Variants in YEATS2 observed in about 807,000 individuals in gnomAD.
The protein encoded by YEATS2 is YEATS domain containing 2, also known as YEATS domain-containing protein 2.
YEATS2 carries 77 observed loss-of-function variants against 163.2 expected under a neutral mutation model. That is an observed-to-expected ratio of 0.47 (90% CI 0.39 to 0.57). The LOEUF (loss-of-function observed/expected upper bound fraction) is 0.57, where lower values mean the gene tolerates loss of function less well. Among genes scored for constraint, YEATS2 ranks in the 20% least tolerant of loss-of-function variants. The pLI is 0.00. For missense variants in YEATS2, 1,549 were observed against 1,729.8 expected (o/e 0.90, Z 1.85); for synonymous variants, 631 against 645.1 (o/e 0.98, Z 0.33).
At chr3:183,738,391 CT>C (rs1173865612) in intron 8 of YEATS2, among the ~76,000 whole-genome samples, 6,978 of 74,040 alleles carry the variant, frequency 0.094, 208 homozygotes, top group African/African-American at 0.11. Flanking sequence ...AGGAAAAGTT[CT>C]TTTTTTTTTT....
rs2304752 is a variant in YEATS2, at chr3:183,798,058, C to T, written c.3226+7C>T. The T allele has an allele frequency of 7.4e-6, 12 of 1,613,354 alleles. No individual in the cohort carries two copies. The highest frequency in any genetic ancestry group is 1.0e-5 in the Non-Finnish European group (12 of 1,179,784). On this transcript the variant is annotated splice_region_variant and intron_variant, in intron 22 of 30. Transcript: ENST00000305135. ...CTGATGCCTGTGAATAAAGGTGAGT[C>T]CCTTGCCCACGGGTCGTCTGTGCTG...
chr3:183,765,431 A>G (rs1236105589), intron 15 of YEATS2, among the ~76,000 whole-genome samples: 1 of 152,168 alleles, frequency 6.6e-6, no homozygotes, highest in East Asian at 1.9e-4. Flanking sequence ...GTAAGGTTGG[A>G]GGAGATAGGT....
chr3:183,763,722 C>T (rs551345247), intron 15 of YEATS2, among the ~76,000 whole-genome samples: 1 of 152,228 alleles, frequency 6.6e-6, no homozygotes, highest in Admixed American at 6.5e-5. Flanking sequence ...TTCAGAGCAT[C>T]AGGGTTAAAT....
At chr3:183,722,839 A>C (rs1716670275) in intron 5 of YEATS2, among the ~76,000 whole-genome samples, 1 of 151,828 alleles carries the variant, frequency 6.6e-6, no homozygotes, top group Non-Finnish European at 1.5e-5. Context: ...TTTTTAGTAG[A>C]GACGAGGTTT....
At chr3:183,764,946 C>T (rs185645971) in intron 15 of YEATS2, among the ~76,000 whole-genome samples, 4 of 152,182 alleles carry the variant, frequency 2.6e-5, no homozygotes, top group South Asian at 2.1e-4. Context: ...CTTACTGCAT[C>T]GGATTCTTCT....
chr3:183,727,064 G>A (rs759103060), intron 6 of YEATS2, among the ~76,000 whole-genome samples: 79 of 152,138 alleles, frequency 5.2e-4, no homozygotes, highest in Admixed American at 5.2e-4. Flanking sequence ...GCCTCCAAAA[G>A]TGCTGAGATT....
intron 21 of YEATS2, among the ~76,000 whole-genome samples, chr3:183,797,694 C>T (rs532588378): frequency 5.3e-5 from 8 of 152,034 alleles, no homozygotes; most frequent in Non-Finnish European, 5.9e-5. Flanking sequence ...TCAGCCTGGG[C>T]GACAGAGCGA....
intron 26 of YEATS2, 95 bp from the exon 27 acceptor site, chr3:183,803,892 G>A: frequency 7.4e-7 from 1 of 1,347,672 alleles, no homozygotes; most frequent in South Asian, 1.4e-5. Context: ...ATTCTAACAG[G>A]TTAGGTTAGG....
At chr3:183,711,271 C>T (rs560790533) in intron 1 of YEATS2, among the ~76,000 whole-genome samples, 49 of 151,928 alleles carry the variant, frequency 3.2e-4, no homozygotes, top group Middle Eastern at 3.4e-3. Flanking sequence ...GAGATTGAGA[C>T]CATCCTGGCT....
Position 183,725,239 on chromosome 3 carries a change from G to A in YEATS2, c.650+708G>A, listed in dbSNP as rs545298334. Among the ~76,000 whole-genome samples, 4 of 152,156 alleles carry A rather than the reference G, an allele frequency of 2.6e-5. No individual in the cohort carries two copies. The South Asian group carries it at 6.2e-4, about 24-fold the overall frequency. On this transcript the variant is annotated intron_variant, in intron 6 of 30. Coordinates refer to ENST00000305135, the MANE Select transcript of YEATS2 (RefSeq NM_018023.5). ...TTTGTTCCAAAATATTGCTAGAGAA[G>A]AGGCAGTATAATAACCCCTACCCTT...
Position 183,728,697 on chromosome 3 carries a change from C to A in YEATS2, c.658C>A (p.Pro220Thr), listed in dbSNP as rs750347001. Residue 220 changes from proline to threonine, a missense_variant, in exon 7 of 31, where the codon CCT becomes ACT. Coordinates refer to ENST00000305135, the MANE Select transcript of YEATS2 (RefSeq NM_018023.5). ...IVVGNVSKYI[P>T]PDKREENDQS... ...TTTTTTCTTCTTCTCTAGGTATATA[C>A]CTCCGGATAAGAGGGAAGAAAATGA... 1 of 1,605,938 alleles carries A rather than the reference C, an allele frequency of 6.2e-7. No homozygotes were observed. Among genetic ancestry groups the A allele is most frequent in the Non-Finnish European group, 8.5e-7 (1 of 1,177,498 alleles).
chr3:183,758,465 A>G (rs1271677530), intron 12 of YEATS2, among the ~76,000 whole-genome samples: 1 of 152,250 alleles, frequency 6.6e-6, no homozygotes, highest in Non-Finnish European at 1.5e-5. Context: ...CATTTGTTAA[A>G]CAGTATCATT....
In YEATS2 at chr3:183,755,741, C is replaced by CTTTTTTTTTT. The variant is rs57050296; in HGVS notation, c.1391-767_1391-758dup. ...ACTTACTGATTTTCTTCCTTCCTTT[C>CTTTTTTTTTT]TTTTTTTTTTTTTTTTTTTTTTTTT... On this transcript the variant is annotated intron_variant, in intron 11 of 30. Coordinates refer to ENST00000305135, the MANE Select transcript of YEATS2 (RefSeq NM_018023.5). Among the ~76,000 whole-genome samples, 184 of 82,150 alleles carry CTTTTTTTTTT rather than the reference C, an allele frequency of 2.2e-3. 15 individuals are homozygous for CTTTTTTTTTT. Among genetic ancestry groups the CTTTTTTTTTT allele is most frequent in the East Asian group, 5.3e-3 (16 of 2,996 alleles). 53.9% of individuals were successfully genotyped at this position (82,150 alleles called of 152,430 possible).
chr3:183,786,403 C>T (rs1014984500), intron 20 of YEATS2, 102 bp downstream of exon 20: 2 of 1,156,858 alleles, frequency 1.7e-6, no homozygotes, highest in Admixed American at 2.7e-5. Context: ...TTTAAAAATA[C>T]TCAACTATTG....
At chr3:183,782,337 G>A (rs1161879511) in intron 19 of YEATS2, among the ~76,000 whole-genome samples, 1 of 149,876 alleles carries the variant, frequency 6.7e-6, no homozygotes, top group African/African-American at 2.5e-5. Flanking sequence ...TCGAACTCCT[G>A]ACCTCAGGTG....
chr3:183,778,120 AAAAAAAAAG>A (rs1385601967), intron 19 of YEATS2, among the ~76,000 whole-genome samples: 4 of 148,348 alleles, frequency 2.7e-5, no homozygotes, highest in Admixed American at 6.7e-5. Context: ...TCAAAAAAAA[AAAAAAAAAG>A]AAAAAAAAAG....
At chr3:183,709,513 T>C (rs57856398) in intron 1 of YEATS2, among the ~76,000 whole-genome samples, 14,861 of 151,800 alleles carry the variant, frequency 0.098, 1,154 homozygotes, top group East Asian at 0.27. Flanking sequence ...TTTTGTGTTT[T>C]TAGTAGAGAT....
intron 10 of YEATS2, among the ~76,000 whole-genome samples, chr3:183,753,063 G>C (rs1720354322): frequency 6.6e-6 from 1 of 152,164 alleles, no homozygotes; most frequent in Admixed American, 6.5e-5. Flanking sequence ...CTCCCAAAGT[G>C]CTGGGATTAC....
chr3:183,702,559 G>A (rs890037787), intron 1 of YEATS2, among the ~76,000 whole-genome samples: 4 of 151,836 alleles, frequency 2.6e-5, no homozygotes, highest in South Asian at 4.2e-4. Context: ...AAAAGTGGCC[G>A]GGTGCTGTAG....
Sources: gnomAD v4.1 joint callset for allele counts (sites outside exome capture counted in the v4.1 genomes callset) on GRCh38, gnomAD v4.1.1 for gene constraint, MANE v1.5 for transcripts, NCBI Gene and HGNC (gene_info 2026-07-23, HGNC 2026-07-21) for gene names.